EMC1: variants seen among roughly 807,000 people sequenced by gnomAD.
EMC1 encodes KIAA0090.
Under a neutral mutation model 128.8 loss-of-function variants are expected in EMC1, and 103 were observed. The ratio of observed to expected loss-of-function variants is 0.80; its 90% CI spans 0.68 to 0.94. The LOEUF is 0.94. Ranked by LOEUF, EMC1 falls within the 40% of genes least tolerant of loss-of-function variation. The pLI, the probability that EMC1 is intolerant of heterozygous loss-of-function variation, is 0.00. For missense variants in EMC1, 1,083 were observed against 1,250.6 expected, an observed-to-expected ratio of 0.87 and a Z score of 2.02; for synonymous variants, 442 against 490.4, an observed-to-expected ratio of 0.90 and a Z score of 1.30.
intron 19 of EMC1, 24 bp downstream of exon 19, chr1:19,223,372 G>C (rs1331008542): frequency 6.2e-7 from 1 of 1,603,408 alleles, no homozygotes; most frequent in East Asian, 2.2e-5. Flanking sequence ...GAGCTACCTT[G>C]GGTCCCTGGT....
chr1:19,225,841 T>C (rs1307524423), intron 18 of EMC1, among the ~76,000 whole-genome samples: 1 of 149,946 alleles, frequency 6.7e-6, no homozygotes, highest in Non-Finnish European at 1.5e-5. Flanking sequence ...AAAGAGTCAA[T>C]AGCACTAATA....
intron 1 of EMC1, among the ~76,000 whole-genome samples, chr1:19,248,145 G>A (rs561169489): frequency 1.3e-5 from 2 of 152,286 alleles, no homozygotes; most frequent in Admixed American, 1.3e-4. Context: ...CAGTGATATT[G>A]ATGATCCTGA....
chr1:19,229,198 A>G (rs2093501664), intron 17 of EMC1, among the ~76,000 whole-genome samples: 1 of 152,194 alleles, frequency 6.6e-6, no homozygotes, highest in South Asian at 2.1e-4. Flanking sequence ...TGGGGCTACA[A>G]GGGTCTGTTC....
At chr1:19,244,101 C>T in intron 2 of EMC1, 86 bp from the exon 3 acceptor site, 1 of 1,294,172 alleles carries the variant, frequency 7.7e-7, no homozygotes, top group Non-Finnish European at 1.1e-6. Flanking sequence ...TCTTCATTTG[C>T]ACAGCAATGT....
rs1315154488 is a variant in EMC1, at chr1:19,231,261, C to A, written c.1944G>T (p.Lys648Asn). The A allele has an allele frequency of 3.1e-6, 5 of 1,596,174 alleles. No homozygotes were observed. The highest frequency in any genetic ancestry group is 1.1e-5 in the South Asian group (1 of 87,996). Residue 648 changes from lysine (K) to asparagine (N), a missense_variant and splice_region_variant, in exon 16 of 23, where the codon AAG (lysine) becomes AAT (asparagine). Lys to Asn is a moderately conservative substitution (Grantham distance 94, BLOSUM62 0). Coordinates refer to ENST00000477853, the MANE Select transcript of EMC1 (RefSeq NM_015047.3). ...KVLLLIDDEY[K>N]VTAFPATRNV... The stretch of plus-strand genomic sequence containing the variant: ...TCTCCATCCCCTCTGAAGACAGTAC[C>A]TTGTATTCATCATCTATCAACAGCA...
rs1356167324 is a variant in EMC1, at chr1:19,230,947, G to T, written c.1961C>A (p.Ala654Asp). The stretch of plus-strand genomic sequence containing the variant: ...TAGCTGTCGCAAGACATTCCGAGTG[G>T]CTGGAAAAGCTGTGACCTTGAAAAA... ...DDEYKVTAFP[A>D]TRNVLRQLHE... The change falls in exon 17 of 23, where the codon GCC (alanine) becomes GAC (aspartate). Residue 654 changes from alanine to aspartate, a missense_variant. By Grantham distance (126) the Ala-to-Asp change is moderately radical. Around this residue, in one of 3 missense-constraint regions of EMC1, gnomAD observed 527 missense variants for 644.1 expected, o/e 0.82. Coordinates refer to ENST00000477853, the MANE Select transcript of EMC1 (RefSeq NM_015047.3). 1.2e-6 allele frequency: 2 copies of T among 1,614,030 alleles called. No individual in the cohort carries two copies. Among genetic ancestry groups the T allele is most frequent in the Non-Finnish European group, 1.7e-6 (2 of 1,180,040 alleles).
At chr1:19,250,094 TG>T (rs1331223506) in intron 1 of EMC1, among the ~76,000 whole-genome samples, 4 of 151,306 alleles carry the variant, frequency 2.6e-5, no homozygotes, top group African/African-American at 7.3e-5. Flanking sequence ...GGCGCATGCC[TG>T]TAATCCCAGC....
In EMC1 at chr1:19,218,854, G is replaced by C. The variant is rs2093410510; in HGVS notation, c.*449C>G. On this transcript the variant is annotated 3_prime_UTR_variant, in exon 23 of 23. Coordinates refer to ENST00000477853, the MANE Select transcript of EMC1 (RefSeq NM_015047.3). Reference sequence around the variant, plus strand: ...TGTACCTATAAGGTGGAGTCGGCAAGGAGAGTTCCCCTCTTACTTTGAAGC... The same window carrying C: ...TGTACCTATAAGGTGGAGTCGGCAACGAGAGTTCCCCTCTTACTTTGAAGC... The C allele has an allele frequency of 5.9e-6, 1 of 169,706 alleles. No homozygotes were observed. Among genetic ancestry groups the C allele is most frequent in the African/African-American group, 2.4e-5 (1 of 41,560 alleles). The allele number at this position is 169,706 out of a possible 1,614,324, so 10.5% of individuals were successfully genotyped here. A position where few individuals can be genotyped will look rare whatever the true frequency, so the allele number is the denominator to read the frequency against.
intron 11 of EMC1, 28 bp downstream of exon 11, chr1:19,237,989 C>T: frequency 6.2e-7 from 1 of 1,609,978 alleles, no homozygotes; most frequent in Non-Finnish European, 8.5e-7. Context: ...GCCCACAGGA[C>T]AGTCTGCAAA....
intron 8 of EMC1, 109 bp downstream of exon 8, chr1:19,239,709 A>C (rs2093592015): frequency 8.8e-7 from 1 of 1,142,348 alleles, no homozygotes; most frequent in South Asian, 1.4e-5. Flanking sequence ...AGGTGTCATC[A>C]ATCTTGGGCC....
At chr1:19,238,935 G>T in intron 9 of EMC1, 78 bp from the exon 10 acceptor site, 2 of 1,069,886 alleles carry the variant, frequency 1.9e-6, no homozygotes, top group Non-Finnish European at 2.9e-6. Context: ...TTTTGTTTTT[G>T]TCTTCTTAGC....
rs983815108 is a variant in EMC1 at position 19,238,938 on chromosome 1, T to G, written c.1027-81A>C. The G allele has an allele frequency of 1.2e-5, 12 of 1,026,880 alleles. No individual in the cohort carries two copies. In the African/African-American group the frequency reaches 1.5e-4, roughly 12 times the overall value. The allele number at this position is 1,026,880 out of a possible 1,614,324, so 63.6% of individuals were successfully genotyped here. A position where few individuals can be genotyped will look rare whatever the true frequency, so the allele number is the denominator to read the frequency against. The stretch of plus-strand genomic sequence containing the variant: ...CTGAAATGAAGCTTTTGTTTTTGTC[T>G]TCTTAGCACTTGAGAGAAGACAAAG... On this transcript the variant is annotated intron_variant, in intron 9 of 22. Transcript: ENST00000477853.
At chr1:19,242,859 C>G (rs1041076713) in intron 4 of EMC1, among the ~76,000 whole-genome samples, 3 of 152,330 alleles carry the variant, frequency 2.0e-5, no homozygotes, top group African/African-American at 7.2e-5. Context: ...CCCATGTGTT[C>G]TCATCGCCTG....
chr1:19,232,948 T>C lies in EMC1; in HGVS notation c.1620A>G (p.Thr540=). Residue 540 remains threonine (T), a synonymous_variant, in exon 14 of 23, where the codon ACA becomes ACG. Coordinates refer to ENST00000477853, the MANE Select transcript of EMC1 (RefSeq NM_015047.3). The stretch of plus-strand genomic sequence containing the variant: ...AAACCCCACTCACCTTGCCTGAGGC[T>C]GTTACCATCACCATCATCTTCTGGA... The part of the protein sequence containing the change: ...FNLQKMMVMV[T]ASGKLFGIES... The C allele has an allele frequency of 1.2e-6, 2 of 1,614,118 alleles. No individual in the cohort carries two copies. Among genetic ancestry groups the C allele is most frequent in the Non-Finnish European group, 1.7e-6 (2 of 1,179,948 alleles).
rs2093389232 is a variant in EMC1 at position 19,216,095 on chromosome 1, G to A, written c.*3208C>T. On this transcript the variant is annotated 3_prime_UTR_variant, in exon 23 of 23. Coordinates refer to ENST00000477853, the MANE Select transcript of EMC1 (RefSeq NM_015047.3). Reference sequence around the variant, plus strand: ...TAAAAGTATGACAATTTATGGGCCAGGTGCAGTAGCTCATGCCTGTAATCC... The same window carrying A: ...TAAAAGTATGACAATTTATGGGCCAAGTGCAGTAGCTCATGCCTGTAATCC... The A allele has an allele frequency of 6.6e-6, 1 of 152,176 alleles. No homozygotes were observed. The highest frequency in any genetic ancestry group is 2.4e-5 in the African/African-American group (1 of 41,414). 9.4% of individuals were successfully genotyped at this position (152,176 alleles called of 1,614,324 possible).
chr1:19,243,995 C>T lies in EMC1; in HGVS notation c.241G>A (p.Gly81Ser). 1 of 1,614,064 alleles carries T rather than the reference C, an allele frequency of 6.2e-7. No individual in the cohort carries two copies. The highest frequency in any genetic ancestry group is 8.5e-7 in the Non-Finnish European group (1 of 1,180,008). The stretch of plus-strand genomic sequence containing the variant: ...GCATCCACAGCCCCTTCTGCCGTGC[C>T]CTTGTCAACATGGCGCCACACTGAG... ...GEILWRHVDK[G>S]TAEGAVDAML... The change falls in exon 3 of 23, where the codon GGC (glycine) becomes AGC (serine). Residue 81 changes from glycine (G) to serine (S), a missense_variant. Around this residue, in one of 3 missense-constraint regions of EMC1, gnomAD observed 544 missense variants for 572.4 expected, o/e 0.95. Coordinates refer to ENST00000477853, the MANE Select transcript of EMC1 (RefSeq NM_015047.3).
intron 1 of EMC1, among the ~76,000 whole-genome samples, chr1:19,246,671 T>C (rs765656231): frequency 2.0e-5 from 3 of 151,932 alleles, no homozygotes; most frequent in Non-Finnish European, 4.4e-5. Flanking sequence ...TCCCAGCTAC[T>C]TGGGAGGCTA....
At chr1:19,247,422 A>G (rs1167737035) in intron 1 of EMC1, among the ~76,000 whole-genome samples, 2 of 152,228 alleles carry the variant, frequency 1.3e-5, no homozygotes, top group Non-Finnish European at 2.9e-5. Context: ...CATATACAGC[A>G]TATACAGTGG....
At chr1:19,234,695 A>T (rs891174472) in intron 13 of EMC1, among the ~76,000 whole-genome samples, 5 of 151,990 alleles carry the variant, frequency 3.3e-5, no homozygotes, top group African/African-American at 1.2e-4. Context: ...AAAATACAAA[A>T]ATTAACCGGG....
Sources: allele counts gnomAD v4.1 joint callset (sites outside exome capture counted in the v4.1 genomes callset), GRCh38; gene constraint gnomAD v4.1.1; regional missense constraint gnomAD v4.1.1; transcripts MANE v1.5; gene names NCBI Gene and HGNC (gene_info 2026-07-23, HGNC 2026-07-21).